PLCH2: variants seen among roughly 807,000 people sequenced by gnomAD.
PLCH2 encodes phospholipase C eta 2, also known as 1-phosphatidylinositol 4,5-bisphosphate phosphodiesterase eta-2.
In PLCH2, 98 loss-of-function variants were observed where a neutral mutation model predicts 134.7. That is an observed-to-expected ratio of 0.73 (90% CI 0.62 to 0.86). The LOEUF (loss-of-function observed/expected upper bound fraction) is 0.86. Ranked by LOEUF, PLCH2 falls within the 40% of genes least tolerant of loss-of-function variation. The probability of loss-of-function intolerance (pLI) is 0.00; values close to 1 mark genes in which losing one functional copy is unlikely to be tolerated. For missense variants in PLCH2, 1,994 were observed against 1,986.6 expected (o/e 1.00, Z -0.07); for synonymous variants, 974 against 827.5 (o/e 1.18, Z -3.04).
At position 2,498,224 on chromosome 1, in the gene PLCH2, C is replaced by T. The variant is rs1001497918; in HGVS notation, c.2225-299C>T. The T allele has an allele frequency of 7.3e-6, 3 of 413,004 alleles. No individual in the cohort carries two copies. The highest frequency in any genetic ancestry group is 1.3e-5 in the Non-Finnish European group (3 of 227,886). 25.6% of individuals were successfully genotyped at this position (413,004 alleles called of 1,614,324 possible). On this transcript the variant is annotated intron_variant, in intron 16 of 21. Transcript: ENST00000378486. The surrounding 1 kb of genome is among the most constrained non-coding windows in gnomAD (Gnocchi z 5.4). ...GCCCTGGGGACACTGTCACCAGAGA[C>T]CCCACCCCTCATACCCCCAGGGACC...
At chr1:2,481,764 CAA>C (rs1432792046) in intron 4 of PLCH2, among the ~76,000 whole-genome samples, 2 of 152,200 alleles carry the variant, frequency 1.3e-5, no homozygotes, top group African/African-American at 2.4e-5. Flanking sequence ...CTTTGGTGGT[CAA>C]GACAGCTGGA....
intron 1 of PLCH2, among the ~76,000 whole-genome samples, chr1:2,477,758 C>A (rs369940129): frequency 2.0e-4 from 30 of 152,314 alleles, no homozygotes; most frequent in African/African-American, 6.7e-4. Flanking sequence ...GATCCGGCAC[C>A]ACAGCCTCCC....
At chr1:2,479,553 G>A (rs928064649) in intron 2 of PLCH2, 181 bp from the exon 3 acceptor site, 7 of 608,222 alleles carry the variant, frequency 1.2e-5, no homozygotes, top group Admixed American at 5.9e-5. Context: ...GCAGTGGGGG[G>A]CTGTGCAGTC....
At chr1:2,484,188 TA>T (rs1642170680) in intron 4 of PLCH2, among the ~76,000 whole-genome samples, 1 of 152,016 alleles carries the variant, frequency 6.6e-6, no homozygotes. Flanking sequence ...GGGGTGAGTA[TA>T]TGGAGGTGGC....
In PLCH2 at chr1:2,496,789, G is replaced by A. The variant is rs779695643; in HGVS notation, c.1934-39G>A. 28 of 1,610,558 alleles carry A rather than the reference G, an allele frequency of 1.7e-5. 1 individual carries two copies. In the South Asian group the frequency reaches 2.2e-4, roughly 13 times the overall value. ...ATGCTGCTGGGCGCCGGGCGAGGTC[G>A]AGGACTGGCAGTCTGATGCCCGGTC... On this transcript the variant is annotated intron_variant, in intron 14 of 21. Coordinates refer to ENST00000378486, the MANE Select transcript of PLCH2 (RefSeq NM_014638.4).
intron 2 of PLCH2, among the ~76,000 whole-genome samples, chr1:2,443,623 C>A (rs1171288552): frequency 2.2e-5 from 3 of 136,318 alleles, no homozygotes; most frequent in Non-Finnish European, 3.2e-5. Flanking sequence ...TTCTGTGCGT[C>A]GCGCTCGCCC....
At chr1:2,425,246 A>AC (rs1638731856), upstream of PLCH2, among the ~76,000 whole-genome samples, 1 of 143,728 alleles carries the variant, frequency 7.0e-6, no homozygotes, top group Non-Finnish European at 1.5e-5. Flanking sequence ...ACACATATGT[A>AC]ACACACACAT....
intron 11 of PLCH2, chr1:2,494,568 A>G: frequency 1.8e-6 from 1 of 546,528 alleles, no homozygotes; most frequent in Non-Finnish European, 3.3e-6. Flanking sequence ...TTAAAACAAC[A>G]CATGAGAGAC....
rs142214927 is a variant in PLCH2, at chr1:2,477,491, G to A, written c.124+779G>A. 6.6e-3 allele frequency among the ~76,000 whole-genome samples: 1,011 copies of A among 152,328 alleles called. 2 individuals are homozygous for A. Among genetic ancestry groups the A allele is most frequent in the Non-Finnish European group, 8.0e-3 (541 of 68,024 alleles). On this transcript the variant is annotated intron_variant, in intron 1 of 21. Coordinates refer to ENST00000378486, the MANE Select transcript of PLCH2 (RefSeq NM_014638.4). ...GGGTCCCTCAGCGTGCAGACCTGGG[G>A]TGGGGATTAACGTCTCTGTGCTTTA...
chr1:2,437,757 G>A (rs533653707), intron 2 of PLCH2, among the ~76,000 whole-genome samples: 4 of 152,214 alleles, frequency 2.6e-5, no homozygotes, highest in Admixed American at 6.5e-5. Context: ...ACACACATAC[G>A]TGCACACACA....
Position 2,459,523 on chromosome 1 carries a change from GGTGGTCCTCCTTC to G in PLCH2, c.116-18952_116-18940del, listed in dbSNP as rs1640691926. On this transcript the variant is annotated intron_variant, in intron 2 of 3. Coordinates refer to the PLCH2 transcript ENST00000609981. ...CTCCTTCCTGGTGGTCCTCCTTCCT[GGTGGTCCTCCTTC>G]CTGGTGGTCCTCCTTCCTGGTGGTC... 1.5e-5 allele frequency among the ~76,000 whole-genome samples: 2 copies of G among 135,536 alleles called. 1 individual carries two copies. The highest frequency in any genetic ancestry group is 1.5e-4 in the Admixed American group (2 of 13,622). The allele number at this position is 135,536 out of a possible 152,430, so 88.9% of individuals were successfully genotyped here.
At position 2,486,801 on chromosome 1, in the gene PLCH2, T is replaced by C. The variant is rs997258758; in HGVS notation, c.817-106T>C. The C allele has an allele frequency of 5.4e-5, 46 of 856,038 alleles. No homozygotes were observed. In the East Asian group the frequency reaches 9.3e-4, roughly 17 times the overall value. The allele number at this position is 856,038 out of a possible 1,614,324, so 53.0% of individuals were successfully genotyped here. A position where few individuals can be genotyped will look rare whatever the true frequency, so the allele number is the denominator to read the frequency against. Reference sequence around the variant, plus strand: ...GGAGCTGGCTGGCCATGGTCATCCCTGGTGTAATCAGAGACAGGCAGGGGA... The same window carrying C: ...GGAGCTGGCTGGCCATGGTCATCCCCGGTGTAATCAGAGACAGGCAGGGGA... On this transcript the variant is annotated intron_variant, in intron 5 of 21. Coordinates refer to ENST00000378486, the MANE Select transcript of PLCH2 (RefSeq NM_014638.4).
At position 2,505,007 on chromosome 1, in the gene PLCH2, A is replaced by G. The variant is rs1301685771; in HGVS notation, c.4045A>G (p.Ile1349Val). The G allele has an allele frequency of 1.9e-6, 3 of 1,544,550 alleles. No individual in the cohort carries two copies. The highest frequency in any genetic ancestry group is 1.4e-5 in the African/African-American group (1 of 73,096). The change falls in exon 22 of 22, where the codon ATT becomes GTT. Residue 1349 changes from isoleucine (I) to valine (V), a missense_variant. Ile to Val is a conservative substitution (Grantham distance 29, BLOSUM62 3). Coordinates refer to ENST00000378486, the MANE Select transcript of PLCH2 (RefSeq NM_014638.4). ...CCGCAGCCACAGCCGCGTGCGTGCC[A>G]TTGCCAGCCGGGCCCGCCAGGCCCA... Reference protein sequence around the residue: ...SSRSHSRVRAIASRARQAQER... With the variant: ...SSRSHSRVRAVASRARQAQER...
At chr1:2,423,169 TTTTG>T (rs141556777), upstream of PLCH2, among the ~76,000 whole-genome samples, 35,679 of 151,586 alleles carry the variant, frequency 0.24, 4,767 homozygotes, top group Middle Eastern at 0.34. Flanking sequence ...TATTTAGTTT[TTTTG>T]TTTGTTTGTT....
In PLCH2 at chr1:2,505,522, G is replaced by C. The variant is rs1438525492; in HGVS notation, c.*309G>C. 1.2e-5 allele frequency: 5 copies of C among 411,218 alleles called. No homozygotes were observed. The highest frequency in any genetic ancestry group is 4.8e-5 in the East Asian group (1 of 20,868). The allele number at this position is 411,218 out of a possible 1,614,324, so 25.5% of individuals were successfully genotyped here. A position where few individuals can be genotyped will look rare whatever the true frequency, so the allele number is the denominator to read the frequency against. ...TTATACAACATTAAAATGATACCAA[G>C]TCCCTTTCCATTTTTACCTGGTTTT... On this transcript the variant is annotated 3_prime_UTR_variant, in exon 22 of 22. Coordinates refer to ENST00000378486, the MANE Select transcript of PLCH2 (RefSeq NM_014638.4).
chr1:2,426,851 G>C (rs1167236545), intron 1 of PLCH2, among the ~76,000 whole-genome samples: 2 of 152,266 alleles, frequency 1.3e-5, no homozygotes, highest in Admixed American at 1.3e-4. Flanking sequence ...CACCAGCTTG[G>C]GGGCAGCGGC....
At chr1:2,475,683 T>G (rs1016485223), upstream of PLCH2, among the ~76,000 whole-genome samples, 2 of 152,132 alleles carry the variant, frequency 1.3e-5, no homozygotes, top group African/African-American at 4.8e-5. Flanking sequence ...GCCCTGGGCA[T>G]GGGGCCACCT....
chr1:2,462,861 G>A (rs1298377244), upstream of PLCH2, among the ~76,000 whole-genome samples: 9 of 152,196 alleles, frequency 5.9e-5, no homozygotes, highest in African/African-American at 9.7e-5. Flanking sequence ...GATGTGTGTC[G>A]GGGTGGTGGG....
At chr1:2,485,055 G>A (rs920705381) in intron 5 of PLCH2, among the ~76,000 whole-genome samples, 14 of 152,098 alleles carry the variant, frequency 9.2e-5, no homozygotes, top group Non-Finnish European at 1.5e-5. Flanking sequence ...CAGCCACATG[G>A]GTCTGGCTGA....
Sources: allele counts gnomAD v4.1 joint callset (sites outside exome capture counted in the v4.1 genomes callset), GRCh38; gene constraint gnomAD v4.1.1; non-coding constraint Gnocchi (gnomAD v3.1); transcripts MANE v1.5; gene names NCBI Gene and HGNC (gene_info 2026-07-23, HGNC 2026-07-21).